The following STPG2 variants were observed in gnomAD, a reference collection of about 807,000 sequenced individuals.
The protein encoded by STPG2 is sperm-tail PG-rich repeat-containing protein 2.
STPG2 carries 56 observed loss-of-function variants against 54.2 expected under a neutral mutation model. That is an observed-to-expected ratio of 1.03 (90% CI 0.83 to 1.29). The LOEUF (loss-of-function observed/expected upper bound fraction) is 1.29. Ranked by LOEUF, STPG2 falls within the 50% of genes most tolerant of loss-of-function variation. The pLI, the probability that STPG2 is intolerant of heterozygous loss-of-function variation, is 0.00. For missense variants in STPG2, 596 were observed against 544.9 expected (o/e 1.09, Z -0.93); for synonymous variants, 200 against 181.8 (o/e 1.10, Z -0.81).
intron 10 of STPG2, among the ~76,000 whole-genome samples, chr4:97,612,896 AATG>A (rs1377914982): frequency 6.6e-6 from 1 of 152,048 alleles, no homozygotes; most frequent in Non-Finnish European, 1.5e-5. Context: ...CTATTTATAT[AATG>A]ATAATTAAAA....
chr4:97,447,195 G>A (rs1488929886), intron 4 of STPG2, among the ~76,000 whole-genome samples: 1 of 152,184 alleles, frequency 6.6e-6, no homozygotes, highest in Non-Finnish European at 1.5e-5. Flanking sequence ...TCCTGCCCTG[G>A]AAATCTGTGG....
At chr4:97,932,000 C>A (rs1196734765) in intron 8 of STPG2, among the ~76,000 whole-genome samples, 2 of 152,184 alleles carry the variant, frequency 1.3e-5, no homozygotes, top group East Asian at 3.9e-4. Flanking sequence ...GGAATTTACC[C>A]ATCTCTTCTA....
chr4:98,053,542 A>T (rs1737393588), intron 5 of STPG2, among the ~76,000 whole-genome samples: 1 of 152,152 alleles, frequency 6.6e-6, no homozygotes, highest in South Asian at 2.1e-4. Context: ...ATAACAAAAA[A>T]AAAATCTAAA....
rs538475671 is a variant in STPG2, at chr4:97,948,752, G to A, written c.934-4745C>T. On this transcript the variant is annotated intron_variant, in intron 7 of 10. Coordinates refer to ENST00000295268, the MANE Select transcript of STPG2 (RefSeq NM_174952.3). Reference sequence around the variant, plus strand: ...TTTCTTCTGGAGTTGATTTCTATTTGTATTCTGCTGTGATCTGAGAAGATA... The same window carrying A: ...TTTCTTCTGGAGTTGATTTCTATTTATATTCTGCTGTGATCTGAGAAGATA... Among the ~76,000 whole-genome samples, 22 of 152,042 alleles carry A rather than the reference G, an allele frequency of 1.4e-4. No individual in the cohort carries two copies. The South Asian group carries it at 4.6e-3, about 32-fold the overall frequency.
At chr4:97,878,351 C>T (rs891313368) in intron 8 of STPG2, among the ~76,000 whole-genome samples, 2 of 152,206 alleles carry the variant, frequency 1.3e-5, no homozygotes, top group African/African-American at 2.4e-5. Context: ...TTCCCTTCTG[C>T]ACTGCCCTAG....
At chr4:97,966,243 C>T (rs1210424488) in intron 7 of STPG2, among the ~76,000 whole-genome samples, 2 of 152,064 alleles carry the variant, frequency 1.3e-5, no homozygotes, top group Non-Finnish European at 2.9e-5. Flanking sequence ...CATGCACAAG[C>T]TTCAATAGCT....
At chr4:97,613,205 G>T (rs1207510427) in intron 10 of STPG2, among the ~76,000 whole-genome samples, 5 of 151,992 alleles carry the variant, frequency 3.3e-5, no homozygotes, top group African/African-American at 4.8e-5. Context: ...AGTGCAGTTA[G>T]TCAAGTTTCT....
chr4:97,681,921 C>T (rs1227342549), intron 10 of STPG2, among the ~76,000 whole-genome samples: 6 of 151,654 alleles, frequency 4.0e-5, no homozygotes, highest in Non-Finnish European at 8.9e-5. Flanking sequence ...AATCAACTAT[C>T]CAATCTGAAT....
chr4:97,933,491 T>G (rs537689409), intron 8 of STPG2, among the ~76,000 whole-genome samples: 1 of 152,270 alleles, frequency 6.6e-6, no homozygotes, highest in African/African-American at 2.4e-5. Flanking sequence ...GTTTTTACGG[T>G]TTTGGGTTTT....
At chr4:97,472,306 T>C (rs897200238) in intron 4 of STPG2, among the ~76,000 whole-genome samples, 1 of 151,960 alleles carries the variant, frequency 6.6e-6, no homozygotes, top group Non-Finnish European at 1.5e-5. Context: ...GTTTAAGAGA[T>C]AAAAACTCCA....
chr4:97,796,395 A>T (rs1276799490), intron 9 of STPG2, among the ~76,000 whole-genome samples: 1 of 152,156 alleles, frequency 6.6e-6, no homozygotes, highest in African/African-American at 2.4e-5. Context: ...TAAGGAAGGG[A>T]TCCAGTTTCA....
chr4:97,692,298 GAAAAAA>G (rs70953082), intron 10 of STPG2, among the ~76,000 whole-genome samples: 1 of 90,600 alleles, frequency 1.1e-5, no homozygotes, highest in South Asian at 4.0e-4. Context: ...TACAGGATAT[GAAAAAA>G]AAAAAAAAAA....
In STPG2 at chr4:98,022,605, C is replaced by A. The variant is rs535346658; in HGVS notation, c.613-41287G>T. ...GGAAGTTCTCCTGGATAATATCCTG[C>A]AGAGTGTTTTCCAACTTGGTTCCAT... On this transcript the variant is annotated intron_variant, in intron 5 of 10. Coordinates refer to ENST00000295268, the MANE Select transcript of STPG2 (RefSeq NM_174952.3). 7.9e-5 allele frequency among the ~76,000 whole-genome samples: 12 copies of A among 152,186 alleles called. No homozygotes were observed. The South Asian group carries it at 1.0e-3, about 13-fold the overall frequency.
At chr4:97,457,997 T>C (rs1729570853) in intron 4 of STPG2, among the ~76,000 whole-genome samples, 1 of 152,226 alleles carries the variant, frequency 6.6e-6, no homozygotes, top group Non-Finnish European at 1.5e-5. Context: ...TTCATAACTA[T>C]GCAAAAACAT....
chr4:97,846,599 T>C (rs935686582), intron 8 of STPG2, among the ~76,000 whole-genome samples: 1 of 123,878 alleles, frequency 8.1e-6, no homozygotes, highest in Non-Finnish European at 1.6e-5. Context: ...CACTCCAGAC[T>C]GGCAACAGTG....
intron 3 of STPG2, among the ~76,000 whole-genome samples, chr4:98,113,520 C>G (rs1044274989): frequency 1.3e-5 from 2 of 151,986 alleles, no homozygotes; most frequent in Non-Finnish European, 2.9e-5. Flanking sequence ...TGTACGTGGT[C>G]TCAGTGGGCT....
chr4:97,463,023 A>C (rs1729702091), intron 4 of STPG2, among the ~76,000 whole-genome samples: 1 of 151,988 alleles, frequency 6.6e-6, no homozygotes, highest in Non-Finnish European at 1.5e-5. Context: ...AATGAGCATA[A>C]ATTTTATCCT....
At chr4:97,787,799 A>G (rs1022218211) in intron 9 of STPG2, among the ~76,000 whole-genome samples, 1 of 151,844 alleles carries the variant, frequency 6.6e-6, no homozygotes, top group Admixed American at 6.6e-5. Context: ...CAGATTTTCT[A>G]ATTTTTTTGA....
At chr4:97,615,983 G>A (rs1442397390) in intron 10 of STPG2, among the ~76,000 whole-genome samples, 1 of 142,634 alleles carries the variant, frequency 7.0e-6, no homozygotes, top group Non-Finnish European at 1.5e-5. Flanking sequence ...GTTGCAGTAA[G>A]CTGAGATCAC....
Sources: gnomAD v4.1 joint callset for allele counts (sites outside exome capture counted in the v4.1 genomes callset) on GRCh38, gnomAD v4.1.1 for gene constraint, MANE v1.5 for transcripts, NCBI Gene and HGNC (gene_info 2026-07-23, HGNC 2026-07-21) for gene names.